The following PLEKHG7 variants were observed in gnomAD, a reference collection of about 807,000 sequenced individuals.
PLEKHG7 encodes the protein pleckstrin homology domain-containing family G member 7.
In PLEKHG7, 77 loss-of-function variants were observed where a neutral mutation model predicts 85.2. That is an observed-to-expected ratio of 0.90 (90% confidence interval 0.75 to 1.09). The LOEUF (loss-of-function observed/expected upper bound fraction) is 1.09, where lower values mean the gene tolerates loss of function less well. PLEKHG7 is among the 50% of genes least tolerant of loss of function. PLEKHG7 has a pLI of 0.00. For synonymous variants in PLEKHG7, 301 were observed against 302.4 expected (o/e 1.00, Z 0.05); for missense variants, 777 against 804.3 (o/e 0.97, Z 0.41).
intron 11 of PLEKHG7, among the ~76,000 whole-genome samples, chr12:92,755,305 T>G (rs1266710314): frequency 6.6e-6 from 1 of 152,146 alleles, no homozygotes; most frequent in Non-Finnish European, 1.5e-5. Flanking sequence ...GCCCTCCATG[T>G]TTTCAAAAAA....
rs754937168 is a variant in PLEKHG7 at position 92,706,915 on chromosome 12, C to A, written c.284C>A (p.Ser95Tyr). ...AGCCTGCCAGGAAGCCCAAAGGATT[C>A]TTCACACTTGCTGTCACCCTTGAGA... is the stretch of plus-strand genomic sequence containing the variant. ...SKSLPGSPKD[S>Y]SHLLSPLRLH... Residue 95 changes from serine to tyrosine, a missense_variant, in exon 2 of 17, where the codon TCT becomes TAT. Transcript: ENST00000344636. 1 of 1,614,158 alleles carries A rather than the reference C, an allele frequency of 6.2e-7. No homozygotes were observed. Among genetic ancestry groups the A allele is most frequent in the Admixed American group, 1.7e-5 (1 of 60,034 alleles).
chr12:92,770,924 G>A lies in PLEKHG7; in HGVS notation c.*729G>A, dbSNP rs1288950049. On this transcript the variant is annotated 3_prime_UTR_variant, in exon 17 of 17. Coordinates refer to ENST00000344636, the MANE Select transcript of PLEKHG7 (RefSeq NM_001377329.1). The stretch of plus-strand genomic sequence containing the variant: ...GTACAGATTTTCATAGACATAGTAA[G>A]GTATCTGTCTCTTAACTTTATTTTT... 3 of 151,728 alleles carry A rather than the reference G, an allele frequency of 2.0e-5. No homozygotes were observed. The highest frequency in any genetic ancestry group is 7.3e-5 in the African/African-American group (3 of 41,322). 9.4% of individuals were successfully genotyped at this position (151,728 alleles called of 1,614,324 possible). A position where few individuals can be genotyped will look rare whatever the true frequency, so the allele number is the denominator to read the frequency against.
intron 15 of PLEKHG7, among the ~76,000 whole-genome samples, chr12:92,768,208 A>AG (rs1565799299): frequency 6.6e-6 from 1 of 151,926 alleles, no homozygotes; most frequent in African/African-American, 2.4e-5. Context: ...CTTCGTCTCA[A>AG]GAAAAAAAAA....
chr12:92,737,338 G>A, intron 6 of PLEKHG7, 40 bp from the exon 7 acceptor site: 3 of 1,372,870 alleles, frequency 2.2e-6, no homozygotes, highest in South Asian at 4.3e-5. Flanking sequence ...AATCCACTGA[G>A]GTGGAAATGT....
At chr12:92,741,241 C>T (rs981028427) in intron 8 of PLEKHG7, among the ~76,000 whole-genome samples, 2 of 151,962 alleles carry the variant, frequency 1.3e-5, no homozygotes, top group African/African-American at 2.4e-5. Flanking sequence ...ATCCTCTTCT[C>T]GCATACATTA....
chr12:92,753,972 T>C, intron 10 of PLEKHG7, 118 bp from the exon 11 acceptor site: 2 of 999,972 alleles, frequency 2.0e-6, no homozygotes, highest in Non-Finnish European at 3.0e-6. Flanking sequence ...CCCAGCAAAC[T>C]CACAAGTAGG....
intron 10 of PLEKHG7, among the ~76,000 whole-genome samples, chr12:92,749,926 A>ATTTTT (rs1171322619): frequency 4.8e-5 from 5 of 105,240 alleles, no homozygotes; most frequent in Middle Eastern, 4.8e-3. Context: ...ATTTTATTTT[A>ATTTTT]TTTATTTTAT....
chr12:92,721,660 G>A lies in PLEKHG7; in HGVS notation c.531-7333G>A, dbSNP rs572464684. On this transcript the variant is annotated intron_variant, in intron 3 of 16. Transcript: ENST00000344636. ...GTTATACAACCTTCTGGGTTCCAAA[G>A]CTTGTCCTGAAGCAAAGAACCAGAA... is the stretch of plus-strand genomic sequence containing the variant. The A allele has an allele frequency of 2.4e-5, 6 of 250,030 alleles. No individual in the cohort carries two copies. The South Asian group carries it at 6.7e-4, about 28-fold the overall frequency. The allele number at this position is 250,030 out of a possible 1,614,324, so 15.5% of individuals were successfully genotyped here.
At chr12:92,750,994 A>G (rs1425103661) in intron 10 of PLEKHG7, among the ~76,000 whole-genome samples, 1 of 152,200 alleles carries the variant, frequency 6.6e-6, no homozygotes, top group African/African-American at 2.4e-5. Flanking sequence ...TTCTAATCCC[A>G]TTAATATACA....
chr12:92,723,345 C>G (rs1305567325), intron 3 of PLEKHG7, among the ~76,000 whole-genome samples: 1 of 152,120 alleles, frequency 6.6e-6, no homozygotes, highest in African/African-American at 2.4e-5. Context: ...CATGAATCTA[C>G]AAAACATAAG....
chr12:92,753,106 T>G (rs1872736338), intron 10 of PLEKHG7, among the ~76,000 whole-genome samples: 1 of 152,200 alleles, frequency 6.6e-6, no homozygotes, highest in African/African-American at 2.4e-5. Context: ...AAAGTAATAT[T>G]AGGTGGATTT....
At chr12:92,739,357 C>A (rs1269197349) in intron 7 of PLEKHG7, among the ~76,000 whole-genome samples, 1 of 152,230 alleles carries the variant, frequency 6.6e-6, no homozygotes, top group Non-Finnish European at 1.5e-5. Flanking sequence ...CCACATGGCA[C>A]ATGTGCAGCC....
In PLEKHG7 at chr12:92,745,656, G is replaced by T. The variant is rs1311427631; in HGVS notation, c.1251+65G>T. 3.9e-6 allele frequency: 4 copies of T among 1,018,056 alleles called. No homozygotes were observed. In the African/African-American group the frequency reaches 4.8e-5, roughly 12 times the overall value. The allele number at this position is 1,018,056 out of a possible 1,614,324, so 63.1% of individuals were successfully genotyped here. On this transcript the variant is annotated intron_variant, in intron 10 of 16. Coordinates refer to ENST00000344636, the MANE Select transcript of PLEKHG7 (RefSeq NM_001377329.1). ...GCTTTTTGGGTGTCACATGTACTGG[G>T]AATGATTATATCTAAATTAAATGGG...
chr12:92,754,126 G>A lies in PLEKHG7; in HGVS notation c.1288G>A (p.Val430Met), dbSNP rs771023819. 15 of 1,613,960 alleles carry A rather than the reference G, an allele frequency of 9.3e-6. No individual in the cohort carries two copies. The highest frequency in any genetic ancestry group is 1.7e-5 in the Admixed American group (1 of 60,016). Residue 430 changes from valine to methionine, a missense_variant, in exon 11 of 17, where the codon GTG becomes ATG. Val to Met is a conservative substitution (Grantham distance 21, BLOSUM62 1). Around this residue, in one of 3 missense-constraint regions of PLEKHG7, gnomAD observed 520 missense variants for 544.0 expected, o/e 0.96. Coordinates refer to ENST00000344636, the MANE Select transcript of PLEKHG7 (RefSeq NM_001377329.1). ...GAATGAACAATGCAGACGGCTCCAC[G>A]TGCCAGAGCTGCTAGTGGCCCCACT... is the stretch of plus-strand genomic sequence containing the variant. The part of the protein sequence containing the change: ...EQNEQCRRLH[V>M]PELLVAPLQR...
chr12:92,707,095 G>A lies in PLEKHG7; in HGVS notation c.464G>A (p.Gly155Asp). 4 of 1,614,018 alleles carry A rather than the reference G, an allele frequency of 2.5e-6. No homozygotes were observed. The highest frequency in any genetic ancestry group is 3.4e-6 in the Non-Finnish European group (4 of 1,179,988). ...LHQASLRQQE[G>D]HFLPSPTLRH... ...CAGGCCTCTCTTCGGCAGCAAGAAGGCCACTTCCTGCCCAGCCCCACCCTA... is the reference window on the plus strand; with the variant it reads ...CAGGCCTCTCTTCGGCAGCAAGAAGACCACTTCCTGCCCAGCCCCACCCTA... Residue 155 changes from glycine to aspartate, a missense_variant, in exon 2 of 17, where the codon GGC (glycine) becomes GAC (aspartate). Transcript: ENST00000344636.
At chr12:92,706,272 A>C (rs1006895880) in intron 1 of PLEKHG7, among the ~76,000 whole-genome samples, 199 bp from the exon 2 acceptor site, 1 of 152,244 alleles carries the variant, frequency 6.6e-6, no homozygotes, top group Admixed American at 6.5e-5. Context: ...GACAGTAAAC[A>C]GACTTCAATA....
intron 14 of PLEKHG7, among the ~76,000 whole-genome samples, chr12:92,762,480 G>T (rs374160012): frequency 6.6e-6 from 1 of 152,032 alleles, no homozygotes; most frequent in African/African-American, 2.4e-5. Context: ...TTTTTTTCAC[G>T]TTACTTAAGT....
intron 3 of PLEKHG7, among the ~76,000 whole-genome samples, chr12:92,716,062 T>C (rs1339816984): frequency 6.6e-6 from 1 of 152,096 alleles, no homozygotes; most frequent in African/African-American, 2.4e-5. Context: ...GATTCTTCTA[T>C]TACAGTGGTT....
intron 10 of PLEKHG7, among the ~76,000 whole-genome samples, chr12:92,751,368 G>A (rs1450018429): frequency 6.6e-6 from 1 of 152,060 alleles, no homozygotes; most frequent in African/African-American, 2.4e-5. Context: ...ACAGGGGAGA[G>A]GAGAAGATTG....
Sources: allele counts gnomAD v4.1 joint callset (sites outside exome capture counted in the v4.1 genomes callset), GRCh38; gene constraint gnomAD v4.1.1; regional missense constraint gnomAD v4.1.1; transcripts MANE v1.5; gene names NCBI Gene and HGNC (gene_info 2026-07-23, HGNC 2026-07-21).